The following ATP9A variants were observed in gnomAD, a reference collection of about 807,000 sequenced individuals.
ATP9A encodes probable phospholipid-transporting ATPase IIA.
Under a neutral mutation model 144.1 loss-of-function variants are expected in ATP9A, and 52 were observed. That is an observed-to-expected ratio of 0.36 (90% CI 0.29 to 0.45). The LOEUF is 0.45. Among genes scored for constraint, ATP9A ranks in the 20% least tolerant of loss-of-function variants. The pLI, the probability that ATP9A is intolerant of heterozygous loss-of-function variation, is 1.00. For synonymous variants in ATP9A, 582 were observed against 557.4 expected, an observed-to-expected ratio of 1.04 and a Z score of -0.62; for missense variants, 947 against 1,392.7, an observed-to-expected ratio of 0.68 and a Z score of 5.09.
At chr20:51,708,865 G>A (rs547807047) in intron 4 of ATP9A, among the ~76,000 whole-genome samples, 12 of 152,230 alleles carry the variant, frequency 7.9e-5, no homozygotes, top group East Asian at 3.9e-4. Flanking sequence ...TCAAGATCAC[G>A]AAAGACAAAG....
At chr20:51,766,493 T>C (rs952897037) in intron 1 of ATP9A, among the ~76,000 whole-genome samples, 2 of 152,196 alleles carry the variant, frequency 1.3e-5, no homozygotes, top group Admixed American at 1.3e-4. Context: ...TTACGGAGGA[T>C]GTACGATGTA....
intron 1 of ATP9A, among the ~76,000 whole-genome samples, chr20:51,754,511 AAAG>A (rs1404261476): frequency 1.3e-5 from 2 of 151,840 alleles, no homozygotes; most frequent in African/African-American, 4.8e-5. Flanking sequence ...CTCGGGAAAA[AAAG>A]AAGAATAAAT....
intron 3 of ATP9A, among the ~76,000 whole-genome samples, chr20:51,719,731 C>CAA (rs11483274): frequency 2.5e-4 from 14 of 55,330 alleles, no homozygotes; most frequent in Non-Finnish European, 3.6e-4. Flanking sequence ...GACTCTGTCT[C>CAA]AAAAAAAAAA....
intron 6 of ATP9A, among the ~76,000 whole-genome samples, chr20:51,694,370 G>A (rs1237394153): frequency 1.3e-5 from 2 of 152,156 alleles, no homozygotes; most frequent in East Asian, 3.9e-4. Flanking sequence ...GTAAAACGTG[G>A]AGAAACGCAG....
rs887416566 is a variant in ATP9A, at chr20:51,668,332, G to A, written c.1293+1665C>T. Among the ~76,000 whole-genome samples, 16 of 151,830 alleles carry A rather than the reference G, an allele frequency of 1.1e-4. 1 individual carries two copies. Among genetic ancestry groups the A allele is most frequent in the South Asian group, 4.2e-4 (2 of 4,790 alleles). On this transcript the variant is annotated intron_variant, in intron 13 of 27. Transcript: ENST00000338821. Reference sequence around the variant, plus strand: ...CAGCCCTGGGAGAGAATAGGTTTAGGAGATGAGGGAAGAAAGTCAGGAGGG... The same window carrying A: ...CAGCCCTGGGAGAGAATAGGTTTAGAAGATGAGGGAAGAAAGTCAGGAGGG...
chr20:51,657,777 G>A (rs1194524483), intron 13 of ATP9A, among the ~76,000 whole-genome samples: 2 of 152,228 alleles, frequency 1.3e-5, no homozygotes, highest in Admixed American at 6.5e-5. Context: ...GGGCAGTCCA[G>A]CAAGGCGTCA....
intron 1 of ATP9A, among the ~76,000 whole-genome samples, chr20:51,751,908 C>T (rs1311170479): frequency 6.6e-6 from 1 of 152,096 alleles, no homozygotes; most frequent in Non-Finnish European, 1.5e-5. Context: ...TTTATTCACT[C>T]GCTCATTTAA....
At chr20:51,748,944 TAGATAGAC>T (rs1481357155) in intron 1 of ATP9A, among the ~76,000 whole-genome samples, 1 of 100,920 alleles carries the variant, frequency 9.9e-6, no homozygotes, top group African/African-American at 3.7e-5. Context: ...GATAGATAGA[TAGATAGAC>T]AGACAGACAG....
chr20:51,703,085 T>C (rs897659756), intron 4 of ATP9A, among the ~76,000 whole-genome samples: 8 of 152,188 alleles, frequency 5.3e-5, no homozygotes, highest in Non-Finnish European at 1.2e-4. Context: ...TGCTTCACTG[T>C]TAATGTCTTA....
intron 3 of ATP9A, among the ~76,000 whole-genome samples, chr20:51,717,506 G>A (rs928243540): frequency 2.6e-5 from 4 of 152,096 alleles, no homozygotes; most frequent in African/African-American, 7.2e-5. Context: ...GGTCTACAAC[G>A]TGGAGACCAA....
At chr20:51,747,101 T>TTTG (rs1293417541) in intron 1 of ATP9A, among the ~76,000 whole-genome samples, 1 of 88,064 alleles carries the variant, frequency 1.1e-5, no homozygotes, top group Non-Finnish European at 2.9e-5. Flanking sequence ...GTTTTTCGTT[T>TTTG]TTTTTTTTTT....
chr20:51,608,773 A>G, intron 24 of ATP9A, 147 bp from the exon 25 acceptor site: 1 of 625,740 alleles, frequency 1.6e-6, no homozygotes, highest in East Asian at 2.7e-5. Context: ...TGTAAGCACC[A>G]GAAACCCATG....
chr20:51,726,012 A>T (rs1023366548), intron 2 of ATP9A, 80 bp from the exon 3 acceptor site: 2 of 888,036 alleles, frequency 2.3e-6, no homozygotes, highest in Middle Eastern at 2.2e-4. Context: ...GAAATGAATA[A>T]CATCTAAAAA....
At chr20:51,710,814 G>A (rs1006175606) in intron 4 of ATP9A, among the ~76,000 whole-genome samples, 1 of 152,132 alleles carries the variant, frequency 6.6e-6, no homozygotes, top group Admixed American at 6.6e-5. Context: ...GGGAAGGGGC[G>A]TGCAGTGGAG....
intron 9 of ATP9A, among the ~76,000 whole-genome samples, chr20:51,680,047 T>C (rs1313026359): frequency 6.6e-6 from 1 of 151,816 alleles, no homozygotes. Flanking sequence ...CTGGCCAACA[T>C]GGTGAAATCC....
rs143341857 is a variant in ATP9A, at chr20:51,690,777, T to C, written c.685A>G (p.Asn229Asp). The change falls in exon 8 of 28, where the codon AAT becomes GAT. Residue 229 changes from asparagine (N) to aspartate (D), a missense_variant. Physicochemically the swap from Asn to Asp is conservative, Grantham distance 23. Transcript: ENST00000338821. ...IRSYVYAEEP[N>D]IDIHNFVGTF... ...CCCACGAAGTTGTGAATGTCAATAT[T>C]TGGCTCTTCTGCGTACACATACGAT... The C allele has an allele frequency of 1.9e-6, 3 of 1,614,078 alleles. No homozygotes were observed. The highest frequency in any genetic ancestry group is 2.7e-5 in the African/African-American group (2 of 74,922).
intron 1 of ATP9A, among the ~76,000 whole-genome samples, chr20:51,766,739 G>T (rs1026231777): frequency 4.6e-5 from 7 of 152,230 alleles, no homozygotes; most frequent in African/African-American, 1.7e-4. Flanking sequence ...TACTCGGGAG[G>T]TTGAGGCAGA....
At chr20:51,642,251 T>C (rs2077322746) in intron 14 of ATP9A, among the ~76,000 whole-genome samples, 1 of 151,486 alleles carries the variant, frequency 6.6e-6, no homozygotes, top group South Asian at 2.1e-4. Flanking sequence ...ACCTCCCGGG[T>C]TCAAGCAATT....
At chr20:51,687,330 AG>A (rs1302145757) in intron 9 of ATP9A, among the ~76,000 whole-genome samples, 1 of 152,182 alleles carries the variant, frequency 6.6e-6, no homozygotes, top group Non-Finnish European at 1.5e-5. Context: ...AAAAACCTCA[AG>A]GGAGAGTGCA....
Sources: allele counts gnomAD v4.1 joint callset (sites outside exome capture counted in the v4.1 genomes callset), GRCh38; gene constraint gnomAD v4.1.1; transcripts MANE v1.5; gene names NCBI Gene and HGNC (gene_info 2026-07-23, HGNC 2026-07-21).